FER: variants seen among roughly 807,000 people sequenced by gnomAD.
FER encodes FER tyrosine kinase, also known as tyrosine-protein kinase Fer.
Under a neutral mutation model 111.0 loss-of-function variants are expected in FER, and 63 were observed. The observed-to-expected ratio is 0.57, with a 90% CI of 0.46 to 0.70. FER has a LOEUF of 0.70. Among genes scored for constraint, FER ranks in the 30% least tolerant of loss-of-function variants. FER has a pLI of 0.00. For missense variants in FER, 914 were observed against 954.0 expected (o/e 0.96, Z 0.55); for synonymous variants, 327 against 313.9 (o/e 1.04, Z -0.44).
At chr5:109,144,263 G>C (rs1257698271) in intron 17 of FER, among the ~76,000 whole-genome samples, 2 of 151,980 alleles carry the variant, frequency 1.3e-5, no homozygotes, top group Non-Finnish European at 2.9e-5. Context: ...TTTATAAATT[G>C]GATATCAGAG....
At chr5:108,823,323 T>G (rs1348750704) in intron 3 of FER, among the ~76,000 whole-genome samples, 5 of 152,256 alleles carry the variant, frequency 3.3e-5, no homozygotes, top group African/African-American at 1.2e-4. Flanking sequence ...TTAGATCATA[T>G]AACAGTTCTA....
intron 8 of FER, among the ~76,000 whole-genome samples, chr5:108,879,703 T>A (rs10060565): frequency 0.04 from 4,477 of 111,190 alleles, 126 homozygotes; most frequent in African/African-American, 0.091. Flanking sequence ...TAAAAAAAAA[T>A]ATATATATAT....
chr5:109,042,489 T>C (rs1021596406), intron 14 of FER, among the ~76,000 whole-genome samples: 1 of 152,188 alleles, frequency 6.6e-6, no homozygotes, highest in Non-Finnish European at 1.5e-5. Context: ...TGGGAAAGCA[T>C]AGTCATTTCT....
chr5:109,152,621 CAA>C, intron 17 of FER, among the ~76,000 whole-genome samples: 1 of 151,936 alleles, frequency 6.6e-6, no homozygotes, highest in Middle Eastern at 3.4e-3. Flanking sequence ...ATATATAAAA[CAA>C]ATATAATCAG....
rs1254477661 is a variant in FER, at chr5:109,180,833, G to C, written c.2135G>C (p.Gly712Ala). ...DFGMSRQEDGGVYSSSGLKQI... is the reference protein window; with the variant it reads ...DFGMSRQEDGAVYSSSGLKQI... ...GGAATGTCTCGTCAAGAGGATGGTG[G>C]AGTGTATTCATCTTCTGGCTTAAAG... The change falls in exon 18 of 20, where the codon GGA (glycine) becomes GCA (alanine). Residue 712 changes from glycine (G) to alanine (A), a missense_variant. Gly to Ala is a moderately conservative substitution (Grantham distance 60). Transcript: ENST00000281092. 1.2e-6 allele frequency: 2 copies of C among 1,613,588 alleles called. No homozygotes were observed. The highest frequency in any genetic ancestry group is 3.3e-5 in the Admixed American group (2 of 59,940).
At chr5:108,906,732 T>C (rs1325273330) in intron 10 of FER, among the ~76,000 whole-genome samples, 1 of 151,976 alleles carries the variant, frequency 6.6e-6, no homozygotes, top group East Asian at 1.9e-4. Context: ...TAAGTACAAT[T>C]ATATCTTAAG....
intron 9 of FER, chr5:108,894,536 C>A: frequency 2.5e-6 from 1 of 401,050 alleles, no homozygotes; most frequent in Non-Finnish European, 4.9e-6. Flanking sequence ...GATACCGATC[C>A]ACAGAATGGA....
intron 12 of FER, among the ~76,000 whole-genome samples, chr5:108,957,322 T>C (rs535846145): frequency 6.6e-6 from 1 of 151,722 alleles, no homozygotes; most frequent in African/African-American, 2.4e-5. Context: ...CAAAAAGTTG[T>C]ACAAATGGCC....
At chr5:108,975,079 A>C (rs1020323768) in intron 13 of FER, among the ~76,000 whole-genome samples, 1 of 152,228 alleles carries the variant, frequency 6.6e-6, no homozygotes, top group Non-Finnish European at 1.5e-5. Context: ...GCCATAAAAA[A>C]GAATAAGTTC....
intron 9 of FER, among the ~76,000 whole-genome samples, chr5:108,889,950 G>A (rs536216129): frequency 5.9e-5 from 9 of 152,022 alleles, no homozygotes; most frequent in South Asian, 2.1e-4. Flanking sequence ...GAGAGATCCC[G>A]TGTACCCTAT....
rs1401901866 is a variant in FER, at chr5:109,044,708, C to T, written c.1742C>T (p.Thr581Ile). 1.3e-6 allele frequency: 2 copies of T among 1,582,750 alleles called. No homozygotes were observed. Among genetic ancestry groups the T allele is most frequent in the Non-Finnish European group, 1.7e-6 (2 of 1,166,294 alleles). Residue 581 changes from threonine (T) to isoleucine (I), a missense_variant, in exon 15 of 20, where the codon ACA becomes ATA. This residue lies in a region of FER where 774 missense variants were observed against 782.6 expected (regional missense o/e 0.99). Coordinates refer to ENST00000281092, the MANE Select transcript of FER (RefSeq NM_005246.4). ...KGNFGEVYKG[T>I]LKDKTSVAVK... is the part of the protein sequence containing the mutation. ...AATTTTGGTGAAGTATATAAGGGCA[C>T]ATTAAAGGATAAAACTTCTGTTGCT...
chr5:108,939,068 A>G (rs1272197274), intron 10 of FER, among the ~76,000 whole-genome samples: 2 of 152,032 alleles, frequency 1.3e-5, no homozygotes, highest in Non-Finnish European at 1.5e-5. Flanking sequence ...CTTTTGTACT[A>G]TGACATCTAT....
At chr5:108,905,007 A>G (rs74437018) in intron 10 of FER, among the ~76,000 whole-genome samples, 1,982 of 152,226 alleles carry the variant, frequency 0.013, 51 homozygotes, top group African/African-American at 0.045. Context: ...TTTCTAACTT[A>G]TAAAACAGGT....
At chr5:108,914,501 TTGAAAAATAA>T (rs1275788959) in intron 10 of FER, among the ~76,000 whole-genome samples, 1 of 152,232 alleles carries the variant, frequency 6.6e-6, no homozygotes, top group Non-Finnish European at 1.5e-5. Flanking sequence ...TCTCTTGTGG[TTGAAAAATAA>T]TGACTTTTGG....
intron 15 of FER, 51 bp from the exon 16 acceptor site, chr5:109,047,051 TTA>T: frequency 1.0e-6 from 1 of 996,786 alleles, no homozygotes; most frequent in Non-Finnish European, 1.5e-6. Flanking sequence ...TGATCACAAA[TTA>T]ATGCTTTATT....
chr5:108,769,910 A>T (rs959252622), intron 2 of FER, among the ~76,000 whole-genome samples: 14 of 152,170 alleles, frequency 9.2e-5, no homozygotes, highest in African/African-American at 3.4e-4. Context: ...ACTAGTTAAT[A>T]CTTTATTTTG....
chr5:108,857,185 A>G (rs1199897492), intron 5 of FER, among the ~76,000 whole-genome samples: 1 of 152,100 alleles, frequency 6.6e-6, no homozygotes, highest in East Asian at 1.9e-4. Context: ...TAAATATAAA[A>G]ACGTAAATGT....
intron 12 of FER, among the ~76,000 whole-genome samples, chr5:108,955,934 G>T (rs1758366111): frequency 6.6e-6 from 1 of 151,626 alleles, no homozygotes; most frequent in Non-Finnish European, 1.5e-5. Context: ...TTAAAATGTA[G>T]GATTCAGTGG....
intron 10 of FER, among the ~76,000 whole-genome samples, chr5:108,940,947 G>T (rs1197765487): frequency 1.3e-5 from 2 of 152,070 alleles, no homozygotes; most frequent in Admixed American, 6.6e-5. Context: ...ACATTCTAGG[G>T]CAATGGCCCT....
Sources: allele counts gnomAD v4.1 joint callset (sites outside exome capture counted in the v4.1 genomes callset), GRCh38; gene constraint gnomAD v4.1.1; regional missense constraint gnomAD v4.1.1; transcripts MANE v1.5; gene names NCBI Gene and HGNC (gene_info 2026-07-23, HGNC 2026-07-21).